CLECL1: variants seen among roughly 807,000 people sequenced by gnomAD.
CLECL1 encodes the protein C-type lectin like 1.
At chr12:9,718,828 A>G, downstream of CLECL1, 1 of 683,448 alleles carries the variant, frequency 1.5e-6, no homozygotes, top group Admixed American at 2.2e-5. Context: ...AACAACCTTG[A>G]TCTTGGACTT....
chr12:9,719,696 A>T (rs7301386), downstream of CLECL1, among the ~76,000 whole-genome samples: 37,987 of 152,040 alleles, frequency 0.25, 6,681 homozygotes, highest in African/African-American at 0.5. Context: ...ATCACTGCAG[A>T]CAGCCTGGGT....
intron 1 of CLECL1, among the ~76,000 whole-genome samples, chr12:9,731,609 A>C (rs1405315128): frequency 6.6e-6 from 1 of 152,226 alleles, no homozygotes; most frequent in Non-Finnish European, 1.5e-5. Context: ...CGTTTATCTA[A>C]CACCACACGT....
At chr12:9,726,830 G>A (rs2401394) in intron 3 of CLECL1, among the ~76,000 whole-genome samples, 80,407 of 151,572 alleles carry the variant, frequency 0.53, 21,598 homozygotes, top group African/African-American at 0.6. Context: ...TGGGGATAAT[G>A]TCTCACAAAG....
At chr12:9,719,727 C>G (rs907279104), downstream of CLECL1, among the ~76,000 whole-genome samples, 5 of 152,100 alleles carry the variant, frequency 3.3e-5, no homozygotes, top group Non-Finnish European at 5.9e-5. Flanking sequence ...GAGATCCTGT[C>G]TCTAAAAATA....
At chr12:9,724,028 T>TA (rs1380032975) in intron 3 of CLECL1, among the ~76,000 whole-genome samples, 9 of 148,980 alleles carry the variant, frequency 6.0e-5, no homozygotes, top group East Asian at 3.9e-4. Flanking sequence ...CTACAAAAAA[T>TA]AAAAAAAAAT....
the CLECL1 span, chr12:9,709,335 T>A: frequency 2.0e-5 from 3 of 152,454 alleles, no homozygotes; most frequent in South Asian, 6.2e-4. Flanking sequence ...AGCTTCAGCC[T>A]CTCACTTGCC....
downstream of CLECL1, among the ~76,000 whole-genome samples, chr12:9,714,327 A>G (rs1216938933): frequency 6.6e-6 from 1 of 152,124 alleles, no homozygotes; most frequent in East Asian, 1.9e-4. Context: ...CCAGAAGTTC[A>G]CCTGTTTTTA....
downstream of CLECL1, among the ~76,000 whole-genome samples, chr12:9,719,253 G>A (rs370528950): frequency 4.6e-5 from 7 of 152,312 alleles, no homozygotes; most frequent in African/African-American, 9.6e-5. Flanking sequence ...TAGGCTGGGC[G>A]TGTTGGCTCA....
At chr12:9,709,754 A>G in the CLECL1 span, among the ~76,000 whole-genome samples, 1 of 152,174 alleles carries the variant, frequency 6.6e-6, no homozygotes, top group African/African-American at 2.4e-5. Flanking sequence ...AGACTGGAGA[A>G]GCACACACTT....
intron 2 of CLECL1, chr12:9,716,848 A>G: frequency 1.2e-6 from 1 of 839,528 alleles, no homozygotes; most frequent in Non-Finnish European, 1.7e-6. Flanking sequence ...TACTGAATGG[A>G]TTATTATGGG....
chr12:9,704,109 A>G, the CLECL1 span: 1 of 152,226 alleles, frequency 6.6e-6, no homozygotes, highest in African/African-American at 2.4e-5. Flanking sequence ...TTTACAAGAC[A>G]TATCTTGTAT....
chr12:9,713,180 G>C (rs764742033), downstream of CLECL1, among the ~76,000 whole-genome samples: 2 of 152,322 alleles, frequency 1.3e-5, no homozygotes, highest in East Asian at 3.9e-4. Context: ...GAACAGGGCA[G>C]GGAGTTTCAC....
chr12:9,703,195 G>A, the CLECL1 span, among the ~76,000 whole-genome samples: 1 of 152,148 alleles, frequency 6.6e-6, no homozygotes, highest in Non-Finnish European at 1.5e-5. Flanking sequence ...TAAAGTTATT[G>A]TTCCTTTAAA....
chr12:9,717,836 T>G (rs1487823596), downstream of CLECL1, among the ~76,000 whole-genome samples: 1 of 152,162 alleles, frequency 6.6e-6, no homozygotes, highest in East Asian at 1.9e-4. Flanking sequence ...TCCATTCTGC[T>G]TGCTTTGGGT....
At chr12:9,720,478 G>A (rs1414120582), downstream of CLECL1, among the ~76,000 whole-genome samples, 1 of 151,948 alleles carries the variant, frequency 6.6e-6, no homozygotes, top group Non-Finnish European at 1.5e-5. Flanking sequence ...GAGTAGCTGG[G>A]ATTACAGGCA....
chr12:9,704,846 A>G, the CLECL1 span, among the ~76,000 whole-genome samples: 4 of 152,076 alleles, frequency 2.6e-5, no homozygotes, highest in Non-Finnish European at 4.4e-5. Context: ...TGTCTTTGCT[A>G]TTGTGAATAG....
the CLECL1 span, among the ~76,000 whole-genome samples, chr12:9,703,141 G>T: frequency 6.6e-6 from 1 of 152,146 alleles, no homozygotes. Context: ...GACAGTTTCT[G>T]ACTGCAATCC....
intron 1 of CLECL1, among the ~76,000 whole-genome samples, chr12:9,731,009 G>A (rs977289383): frequency 2.6e-5 from 4 of 152,050 alleles, no homozygotes; most frequent in African/African-American, 7.2e-5. Context: ...CTAATATGAC[G>A]AACTGAAATT....
In CLECL1 at chr12:9,725,393, AG is replaced by A. The variant is rs773529477; in HGVS notation, n.262+2171del. On this transcript the variant is annotated intron_variant and non_coding_transcript_variant, in intron 3 of 3. Coordinates refer to ENST00000621400, the Ensembl canonical transcript of CLECL1. Reference sequence around the variant, plus strand: ...ATGCACCTAAATCAAACCCTTTCTGAGTAAGTGTATAATTATTGCGAAAGAT... The same window carrying A: ...ATGCACCTAAATCAAACCCTTTCTGATAAGTGTATAATTATTGCGAAAGAT... 1.6e-3 allele frequency among the ~76,000 whole-genome samples: 237 copies of A among 152,224 alleles called. 1 individual carries two copies. Among genetic ancestry groups the A allele is most frequent in the African/African-American group, 5.5e-3 (229 of 41,566 alleles).
Sources: allele counts gnomAD v4.1 joint callset (sites outside exome capture counted in the v4.1 genomes callset), GRCh38; gene constraint gnomAD v4.1.1; transcripts MANE v1.5; gene names NCBI Gene and HGNC (gene_info 2026-07-23, HGNC 2026-07-21).